RBFOX1: variants seen among roughly 807,000 people sequenced by gnomAD.
RBFOX1 encodes the protein RNA binding fox-1 homolog 1.
Under a neutral mutation model 57.7 loss-of-function variants are expected in RBFOX1, and 8 were observed. The ratio of observed to expected loss-of-function variants is 0.14; its 90% CI spans 0.08 to 0.25. The LOEUF (loss-of-function observed/expected upper bound fraction) is 0.25. Ranked by LOEUF, RBFOX1 falls within the 10% of genes least tolerant of loss-of-function variation. The pLI is 1.00. For synonymous variants in RBFOX1, 326 were observed against 222.4 expected (o/e 1.47, Z -4.15); for missense variants, 611 against 548.5 (o/e 1.11, Z -1.14).
intron 3 of RBFOX1, among the ~76,000 whole-genome samples, chr16:6,708,622 A>G (rs2063189112): frequency 1.3e-5 from 2 of 152,246 alleles, no homozygotes; most frequent in African/African-American, 4.8e-5. Flanking sequence ...CCAACAGCTG[A>G]GCGATTTGCT....
At chr16:6,837,802 T>C (rs1026457318) in intron 3 of RBFOX1, among the ~76,000 whole-genome samples, 6 of 152,154 alleles carry the variant, frequency 3.9e-5, no homozygotes, top group Admixed American at 6.5e-5. Context: ...TTGGTAGAAG[T>C]GGTAGTAATG....
intron 3 of RBFOX1, among the ~76,000 whole-genome samples, chr16:5,749,659 G>T (rs953113763): frequency 2.0e-5 from 3 of 152,022 alleles, no homozygotes; most frequent in African/African-American, 2.4e-5. Flanking sequence ...TGATCGAATC[G>T]GCTGCTGAAG....
intron 1 of RBFOX1, among the ~76,000 whole-genome samples, chr16:6,171,892 G>A (rs2096963172): frequency 6.6e-6 from 1 of 151,770 alleles, no homozygotes; most frequent in Admixed American, 6.6e-5. Flanking sequence ...CATGATTTCC[G>A]CTCACTGTGA....
chr16:6,620,203 C>T (rs2098208066), intron 2 of RBFOX1, among the ~76,000 whole-genome samples: 1 of 152,160 alleles, frequency 6.6e-6, no homozygotes, highest in African/African-American at 2.4e-5. Context: ...CACTCAAAAC[C>T]ATACAGTTAC....
chr16:6,646,655 G>A (rs2098537320), intron 2 of RBFOX1, among the ~76,000 whole-genome samples: 1 of 152,062 alleles, frequency 6.6e-6, no homozygotes, highest in Non-Finnish European at 1.5e-5. Flanking sequence ...CACCTGGTCA[G>A]AACGGGCAAA....
chr16:5,555,634 G>A (rs2045640007), intron 2 of RBFOX1, among the ~76,000 whole-genome samples: 1 of 152,118 alleles, frequency 6.6e-6, no homozygotes, highest in South Asian at 2.1e-4. Flanking sequence ...ACCATAATCT[G>A]GAACATGTGC....
Position 6,278,377 on chromosome 16 carries a change from C to CAAAAAAAAAAAA in RBFOX1, c.-126-38594_-126-38583dup, listed in dbSNP as rs57523660. ...AACTGGGGGAAATTGTAGGACTCAC[C>CAAAAAAAAAAAA]AAAAAAAAAAAAAAAAAAAAAAAAA... On this transcript the variant is annotated intron_variant, in intron 1 of 15. Coordinates refer to ENST00000550418, the MANE Select transcript of RBFOX1 (RefSeq NM_018723.4). 2.5e-4 allele frequency among the ~76,000 whole-genome samples: 7 copies of CAAAAAAAAAAAA among 28,068 alleles called. 1 individual carries two copies. Among genetic ancestry groups the CAAAAAAAAAAAA allele is most frequent in the Admixed American group, 1.7e-3 (2 of 1,144 alleles). The allele number at this position is 28,068 out of a possible 152,430, so 18.4% of individuals were successfully genotyped here. A position where few individuals can be genotyped will look rare whatever the true frequency, so the allele number is the denominator to read the frequency against.
chr16:6,615,115 A>T (rs768008829), intron 2 of RBFOX1, among the ~76,000 whole-genome samples: 1 of 152,148 alleles, frequency 6.6e-6, no homozygotes, highest in South Asian at 2.1e-4. Context: ...GCTTAAGGCA[A>T]ACTCATTGTA....
chr16:7,397,943 C>T (rs1186629773), intron 4 of RBFOX1, among the ~76,000 whole-genome samples: 3 of 152,034 alleles, frequency 2.0e-5, no homozygotes, highest in African/African-American at 7.2e-5. Flanking sequence ...AATTTCTCGG[C>T]TCAGTGAACA....
At chr16:5,647,208 C>G (rs1292777779) in intron 3 of RBFOX1, among the ~76,000 whole-genome samples, 1 of 152,108 alleles carries the variant, frequency 6.6e-6, no homozygotes, top group Non-Finnish European at 1.5e-5. Context: ...ATATGAACCC[C>G]AGGTTTATGA....
chr16:5,980,834 C>T (rs77845226), intron 4 of RBFOX1, among the ~76,000 whole-genome samples: 1 of 150,254 alleles, frequency 6.7e-6, no homozygotes, highest in African/African-American at 2.4e-5. Context: ...ACCTCAGGCT[C>T]AGACACTTTG....
chr16:5,459,938 C>A (rs1393757766), intron 1 of RBFOX1, among the ~76,000 whole-genome samples: 1 of 152,160 alleles, frequency 6.6e-6, no homozygotes, highest in African/African-American at 2.4e-5. Flanking sequence ...ACTCCGAGTT[C>A]TTTATGACAA....
At chr16:6,559,637 CA>C (rs2097153327) in intron 2 of RBFOX1, among the ~76,000 whole-genome samples, 1 of 151,916 alleles carries the variant, frequency 6.6e-6, no homozygotes, top group African/African-American at 2.4e-5. Flanking sequence ...TATACACACA[CA>C]CATATATGTG....
intron 4 of RBFOX1, among the ~76,000 whole-genome samples, chr16:5,926,382 T>A (rs566918072): frequency 1.3e-5 from 2 of 151,774 alleles, no homozygotes; most frequent in African/African-American, 4.8e-5. Context: ...TCCTAGGGAG[T>A]CTTTGAAAAT....
intron 2 of RBFOX1, among the ~76,000 whole-genome samples, chr16:6,398,230 TC>T (rs2092921202): frequency 6.6e-6 from 1 of 152,070 alleles, no homozygotes; most frequent in Non-Finnish European, 1.5e-5. Context: ...CCACCGGGTT[TC>T]TCCCATAACA....
chr16:5,555,880 T>A (rs887963234), intron 2 of RBFOX1, among the ~76,000 whole-genome samples: 5 of 151,704 alleles, frequency 3.3e-5, no homozygotes, highest in Admixed American at 6.6e-5. Flanking sequence ...AATTAGCCGG[T>A]CGTGGTGGTG....
chr16:5,507,604 A>G (rs2043422693), intron 2 of RBFOX1, among the ~76,000 whole-genome samples: 1 of 152,192 alleles, frequency 6.6e-6, no homozygotes, highest in Non-Finnish European at 1.5e-5. Context: ...ATGCCTGTGA[A>G]TGTGACCTTA....
At chr16:6,779,594 A>C (rs764052239) in intron 3 of RBFOX1, among the ~76,000 whole-genome samples, 12 of 148,350 alleles carry the variant, frequency 8.1e-5, no homozygotes, top group Non-Finnish European at 1.5e-4. Context: ...CCTCCATACT[A>C]TTCTCCAGAG....
chr16:5,913,292 C>T (rs1005847671), intron 4 of RBFOX1, among the ~76,000 whole-genome samples: 7 of 152,190 alleles, frequency 4.6e-5, no homozygotes, highest in East Asian at 3.8e-4. Context: ...TTTCGACCCA[C>T]GCAGGGGTTG....
Sources: allele counts gnomAD v4.1 joint callset (sites outside exome capture counted in the v4.1 genomes callset), GRCh38; gene constraint gnomAD v4.1.1; transcripts MANE v1.5; gene names NCBI Gene and HGNC (gene_info 2026-07-23, HGNC 2026-07-21).